The following DPP6 variants were observed in gnomAD, a reference collection of about 807,000 sequenced individuals.
The protein encoded by DPP6 is dipeptidyl peptidase like 6, also known as A-type potassium channel modulatory protein DPP6.
Under a neutral mutation model 122.6 loss-of-function variants are expected in DPP6, and 69 were observed. The observed-to-expected ratio is 0.56, with a 90% confidence interval of 0.46 to 0.69. The LOEUF (loss-of-function observed/expected upper bound fraction) is 0.69. Among genes scored for constraint, DPP6 ranks in the 30% least tolerant of loss-of-function variants. The pLI is 0.00. For synonymous variants in DPP6, 418 were observed against 433.1 expected, an observed-to-expected ratio of 0.97 and a Z score of 0.43; for missense variants, 928 against 1,116.9, an observed-to-expected ratio of 0.83 and a Z score of 2.41.
rs75228469 is a variant in DPP6, at chr7:154,717,203, G to A, written c.763-10564G>A. 3.6e-3 allele frequency among the ~76,000 whole-genome samples: 544 copies of A among 152,196 alleles called. 1 individual carries two copies. The highest frequency in any genetic ancestry group is 0.012 in the African/African-American group (481 of 41,518). ...CAGTAATTAGCAGATTCATCAGCTCGAACATTTATCATTTATTTGTGGTAA... is the reference window on the plus strand; with the variant it reads ...CAGTAATTAGCAGATTCATCAGCTCAAACATTTATCATTTATTTGTGGTAA... On this transcript the variant is annotated intron_variant, in intron 7 of 25. Transcript: ENST00000377770.
At chr7:153,967,735 T>G (rs183764751) in intron 1 of DPP6, among the ~76,000 whole-genome samples, 159 of 152,216 alleles carry the variant, frequency 1.0e-3, no homozygotes, top group African/African-American at 3.3e-3. Context: ...CGAGATAGTT[T>G]TAATTCTCTT....
intron 7 of DPP6, among the ~76,000 whole-genome samples, chr7:154,690,630 C>A (rs1308564407): frequency 6.6e-6 from 1 of 152,076 alleles, no homozygotes; most frequent in Non-Finnish European, 1.5e-5. Context: ...CCACCCCCCA[C>A]CCCGCATCAT....
At chr7:154,033,239 T>A (rs575379020) in intron 1 of DPP6, among the ~76,000 whole-genome samples, 3 of 152,326 alleles carry the variant, frequency 2.0e-5, no homozygotes, top group Middle Eastern at 3.4e-3. Flanking sequence ...GGTTACTATA[T>A]CCTTTGACAT....
In DPP6 at chr7:154,618,429, G is replaced by T. The variant is rs143462962; in HGVS notation, c.628-19392G>T. On this transcript the variant is annotated intron_variant, in intron 5 of 25. Transcript: ENST00000377770. The surrounding 1 kb of genome is among the most constrained non-coding windows in gnomAD (Gnocchi z 4.1). The stretch of plus-strand genomic sequence containing the variant: ...TTCCTGTGCACACACACTGTTGCTT[G>T]CCCAGACATGCTTCCCCTTTGTCTT... Among the ~76,000 whole-genome samples, 167 of 152,290 alleles carry T rather than the reference G, an allele frequency of 1.1e-3. 3 individuals are homozygous for T. Among genetic ancestry groups the T allele is most frequent in the Admixed American group, 0.01 (156 of 15,296 alleles).
In DPP6 at chr7:154,287,017, G is replaced by C. The variant is rs545786272; in HGVS notation, c.244-159197G>C. ...AGGGGTTCACCATGTTGGCCAGACT[G>C]GTCCTAAACTCCTGACCTCAAGTGA... On this transcript the variant is annotated intron_variant, in intron 1 of 25. Transcript: ENST00000377770. Among the ~76,000 whole-genome samples, 32 of 152,202 alleles carry C rather than the reference G, an allele frequency of 2.1e-4. No homozygotes were observed. The South Asian group carries it at 6.0e-3, about 29-fold the overall frequency.
chr7:154,088,215 G>A (rs1804567822), intron 1 of DPP6, among the ~76,000 whole-genome samples: 1 of 152,070 alleles, frequency 6.6e-6, no homozygotes. Flanking sequence ...TGCTCTGGGA[G>A]GGGCTGTGCT....
intron 7 of DPP6, among the ~76,000 whole-genome samples, chr7:154,686,682 G>A (rs185939657): frequency 3.3e-5 from 5 of 152,222 alleles, no homozygotes; most frequent in Admixed American, 6.5e-5. Flanking sequence ...CACATCCCAG[G>A]GGTGTGCAGA....
chr7:154,104,271 G>A (rs1372368247), intron 1 of DPP6, among the ~76,000 whole-genome samples: 2 of 152,212 alleles, frequency 1.3e-5, no homozygotes, highest in African/African-American at 2.4e-5. Context: ...AAGGGGTTGT[G>A]CATTTCTCAT....
At chr7:154,113,483 A>G (rs1225184762) in intron 1 of DPP6, among the ~76,000 whole-genome samples, 1 of 152,168 alleles carries the variant, frequency 6.6e-6, no homozygotes, top group East Asian at 1.9e-4. Flanking sequence ...AGCAACCCTC[A>G]TAGGTGTGAG....
chr7:154,821,705 CAT>C lies in DPP6; in HGVS notation c.1666+14603_1666+14604del, dbSNP rs201000119. Among the ~76,000 whole-genome samples, 778 of 139,868 alleles carry C rather than the reference CAT, an allele frequency of 5.6e-3. 9 individuals are homozygous for C. Among genetic ancestry groups the C allele is most frequent in the African/African-American group, 0.02 (727 of 37,186 alleles). 91.8% of individuals were successfully genotyped at this position (139,868 alleles called of 152,430 possible). On this transcript the variant is annotated intron_variant, in intron 16 of 25. Transcript: ENST00000377770. The surrounding 1 kb of genome is among the most constrained non-coding windows in gnomAD (Gnocchi z 4.2). ...ACACACATATATATATACACACACA[CAT>C]ATATATATACAGAAAAAACATGGTG...
Position 154,061,749 on chromosome 7 carries a change from C to G in DPP6, c.243+8686C>G, listed in dbSNP as rs1801956191. Among the ~76,000 whole-genome samples the G allele has an allele frequency of 1.8e-5, 2 of 110,452 alleles. 1 individual carries two copies. The highest frequency in any genetic ancestry group is 6.8e-5 in the African/African-American group (2 of 29,214). The allele number at this position is 110,452 out of a possible 152,430, so 72.5% of individuals were successfully genotyped here. Reference sequence around the variant, plus strand: ...GGGACTGCGAACCTCCCCCTTTCCTCCCCTGGCTCTTTGCACCCCCATCGC... The same window carrying G: ...GGGACTGCGAACCTCCCCCTTTCCTGCCCTGGCTCTTTGCACCCCCATCGC... On this transcript the variant is annotated intron_variant, in intron 1 of 25. Coordinates refer to ENST00000377770, the MANE Select transcript of DPP6 (RefSeq NM_130797.4).
At chr7:154,616,888 A>T (rs116041866) in intron 5 of DPP6, among the ~76,000 whole-genome samples, 15 of 152,200 alleles carry the variant, frequency 9.9e-5, no homozygotes, top group Admixed American at 7.2e-4. Flanking sequence ...ATATTATTTT[A>T]TCCAGATAAA....
chr7:154,351,026 T>C (rs546584388), intron 1 of DPP6, among the ~76,000 whole-genome samples: 1 of 152,244 alleles, frequency 6.6e-6, no homozygotes, highest in South Asian at 2.1e-4. Context: ...TATCTCCAAA[T>C]GGAAAATTTG....
At chr7:154,448,903 T>C (rs1820119014) in intron 2 of DPP6, among the ~76,000 whole-genome samples, 1 of 152,180 alleles carries the variant, frequency 6.6e-6, no homozygotes. Context: ...ACTCGTACCA[T>C]ATACAAAGAT....
chr7:153,949,391 G>A (rs1022039972), intron 1 of DPP6, among the ~76,000 whole-genome samples: 3 of 152,142 alleles, frequency 2.0e-5, no homozygotes, highest in Non-Finnish European at 4.4e-5. Context: ...TTCCAGTCTC[G>A]GAGATGCTTT....
At chr7:154,720,919 A>G (rs188871945) in intron 7 of DPP6, among the ~76,000 whole-genome samples, 87 of 152,320 alleles carry the variant, frequency 5.7e-4, no homozygotes, top group African/African-American at 1.9e-3. Flanking sequence ...TCTTTCCCCA[A>G]TAAGCCTCGA....
chr7:154,787,360 G>A (rs2049481), intron 10 of DPP6, among the ~76,000 whole-genome samples: 9,009 of 152,010 alleles, frequency 0.059, 312 homozygotes, highest in African/African-American at 0.099. Context: ...CAACACCATC[G>A]ATTGTGGAAG....
At chr7:154,307,663 A>G (rs899825796) in intron 1 of DPP6, among the ~76,000 whole-genome samples, 1 of 152,142 alleles carries the variant, frequency 6.6e-6, no homozygotes. Context: ...TAAAATCCCT[A>G]AAGACAGTCT....
chr7:154,305,336 A>AGCCCCC, intron 1 of DPP6: 3 of 362,176 alleles, frequency 8.3e-6, no homozygotes, highest in Non-Finnish European at 1.2e-5. Flanking sequence ...CGTCTTGTCT[A>AGCCCCC]CCCACCCTCC....
Sources: allele counts gnomAD v4.1 joint callset (sites outside exome capture counted in the v4.1 genomes callset), GRCh38; gene constraint gnomAD v4.1.1; non-coding constraint Gnocchi (gnomAD v3.1); transcripts MANE v1.5; gene names NCBI Gene and HGNC (gene_info 2026-07-23, HGNC 2026-07-21).